Variants in PPP3CC observed in about 807,000 individuals in gnomAD.
PPP3CC encodes the protein serine/threonine-protein phosphatase 2B catalytic subunit gamma isoform.
Under a neutral mutation model 60.3 loss-of-function variants are expected in PPP3CC, and 35 were observed. The ratio of observed to expected loss-of-function variants is 0.58; its 90% CI spans 0.44 to 0.77. PPP3CC has a LOEUF of 0.77. PPP3CC is among the 30% of genes least tolerant of loss of function. PPP3CC has a pLI of 0.00. For missense variants in PPP3CC, 570 were observed against 628.9 expected (o/e 0.91, Z 1.00); for synonymous variants, 206 against 224.3 (o/e 0.92, Z 0.73).
intron 5 of PPP3CC, among the ~76,000 whole-genome samples, chr8:22,512,984 G>C (rs1839133611): frequency 6.6e-6 from 1 of 151,872 alleles, no homozygotes; most frequent in Non-Finnish European, 1.5e-5. Context: ...GGTGAGGCAG[G>C]AGAATCGCTT....
intron 1 of PPP3CC, among the ~76,000 whole-genome samples, chr8:22,447,073 T>C (rs1302043753): frequency 2.0e-5 from 3 of 151,840 alleles, no homozygotes; most frequent in African/African-American, 7.3e-5. Flanking sequence ...AGTGGCGCGA[T>C]CATGGCTCGC....
chr8:22,449,716 GA>G (rs1488641206), intron 1 of PPP3CC, among the ~76,000 whole-genome samples: 1 of 152,044 alleles, frequency 6.6e-6, no homozygotes, highest in Non-Finnish European at 1.5e-5. Context: ...CTAAGAAGTA[GA>G]GAGAAGATGG....
intron 3 of PPP3CC, among the ~76,000 whole-genome samples, chr8:22,481,542 GTTC>G (rs1251507725): frequency 6.7e-6 from 1 of 148,188 alleles, no homozygotes; most frequent in Admixed American, 6.7e-5. Context: ...GAAGTTTTGT[GTTC>G]TTTTTTTTTT....
Position 22,540,648 on chromosome 8 carries a change from G to A in PPP3CC, c.1385G>A (p.Arg462Gln), listed in dbSNP as rs773602093. 5.0e-6 allele frequency: 8 copies of A among 1,613,672 alleles called. No individual in the cohort carries two copies. The highest frequency in any genetic ancestry group is 2.2e-5 in the East Asian group (1 of 44,898). ...GGGTTCTCGCTTCAGCACAAGATCC[G>A]GAGTTTTGAAGAAGCGCGAGGTCTG... ...IRGFSLQHKIRSFEEARGLDR... is the reference protein window; with the variant it reads ...IRGFSLQHKIQSFEEARGLDR... The change falls in exon 14 of 14, where the codon CGG (arginine) becomes CAG (glutamine). Residue 462 changes from arginine to glutamine, a missense_variant. Physicochemically the swap from Arg to Gln is conservative, Grantham distance 43. Coordinates refer to ENST00000240139, the MANE Select transcript of PPP3CC (RefSeq NM_005605.5).
rs894237681 is a variant in PPP3CC at position 22,503,524 on chromosome 8, A to AT, written c.484+5420dup. On this transcript the variant is annotated intron_variant, in intron 4 of 13. Transcript: ENST00000240139. ...CTTAATTATTCTTTTGTCTTATCAGATTTTTTTTATTTTTAATTTTTATGG... is the reference window on the plus strand; with the variant it reads ...CTTAATTATTCTTTTGTCTTATCAGATTTTTTTTTATTTTTAATTTTTATGG... Among the ~76,000 whole-genome samples, 7 of 151,930 alleles carry AT rather than the reference A, an allele frequency of 4.6e-5. No individual in the cohort carries two copies. In the South Asian group the frequency reaches 8.3e-4, roughly 18 times the overall value.
intron 1 of PPP3CC, among the ~76,000 whole-genome samples, chr8:22,448,954 G>C (rs556014043): frequency 6.6e-6 from 1 of 152,094 alleles, no homozygotes; most frequent in Non-Finnish European, 1.5e-5. Flanking sequence ...AAAATGTAAA[G>C]TTGGGGACAG....
At chr8:22,537,076 A>G (rs184129345) in intron 12 of PPP3CC, among the ~76,000 whole-genome samples, 1 of 152,366 alleles carries the variant, frequency 6.6e-6, no homozygotes, top group African/African-American at 2.4e-5. Flanking sequence ...TCAGTTATAA[A>G]TTGGACTACA....
chr8:22,534,634 A>G (rs1839804894), intron 12 of PPP3CC, among the ~76,000 whole-genome samples: 1 of 152,240 alleles, frequency 6.6e-6, no homozygotes, highest in African/African-American at 2.4e-5. Context: ...AAGGTTATGC[A>G]TGGGAATGTT....
At chr8:22,502,400 A>T (rs990023380) in intron 4 of PPP3CC, among the ~76,000 whole-genome samples, 1 of 152,178 alleles carries the variant, frequency 6.6e-6, no homozygotes, top group Non-Finnish European at 1.5e-5. Context: ...TGAAAGACCA[A>T]GGTGGCCGGG....
At chr8:22,536,093 G>C (rs1041902163) in intron 12 of PPP3CC, among the ~76,000 whole-genome samples, 29 of 152,164 alleles carry the variant, frequency 1.9e-4, no homozygotes, top group Non-Finnish European at 3.7e-4. Context: ...TGAGATATTA[G>C]AGTTCAGCTA....
chr8:22,499,356 G>A (rs1586836966), intron 4 of PPP3CC, among the ~76,000 whole-genome samples: 1 of 150,774 alleles, frequency 6.6e-6, no homozygotes, highest in African/African-American at 2.4e-5. Flanking sequence ...GGAGAATGGC[G>A]TGAACCCGGG....
At chr8:22,472,363 A>AACACACACACACAC (rs71546810) in intron 1 of PPP3CC, among the ~76,000 whole-genome samples, 5,494 of 125,626 alleles carry the variant, frequency 0.044, 196 homozygotes, top group East Asian at 0.056. Flanking sequence ...GGTAAAAATG[A>AACACACACACACAC]ACACACACAC....
chr8:22,520,312 AT>A (rs1274360594), intron 6 of PPP3CC, among the ~76,000 whole-genome samples: 2 of 152,186 alleles, frequency 1.3e-5, no homozygotes, highest in East Asian at 1.9e-4. Flanking sequence ...TGTTTAACTT[AT>A]TTGGAGACCT....
At chr8:22,477,642 T>A (rs1045887802) in intron 3 of PPP3CC, among the ~76,000 whole-genome samples, 5 of 152,044 alleles carry the variant, frequency 3.3e-5, no homozygotes, top group African/African-American at 1.2e-4. Context: ...ATTTTATTTT[T>A]TTAGAGATGG....
intron 3 of PPP3CC, chr8:22,492,996 G>A: frequency 7.8e-7 from 1 of 1,278,444 alleles, no homozygotes; most frequent in Non-Finnish European, 1.1e-6. Context: ...GTCTGTGAAT[G>A]GAAAAGCACC....
At chr8:22,446,827 AAAAAAG>A (rs1302928247) in intron 1 of PPP3CC, among the ~76,000 whole-genome samples, 4 of 151,178 alleles carry the variant, frequency 2.6e-5, no homozygotes, top group African/African-American at 9.7e-5. Flanking sequence ...AAAAAAAAAA[AAAAAAG>A]CTGATTTTTA....
At chr8:22,537,197 C>T (rs1839862636) in intron 12 of PPP3CC, among the ~76,000 whole-genome samples, 1 of 152,166 alleles carries the variant, frequency 6.6e-6, no homozygotes, top group Non-Finnish European at 1.5e-5. Flanking sequence ...AGATTGGTAT[C>T]TAGAAAATAT....
Position 22,532,976 on chromosome 8 carries a change from C to T in PPP3CC, c.1279C>T (p.Pro427Ser). ...GGGCCTGACTCCCACAGGCACACTC[C>T]CTCTGGGCGTCCTCTCAGGAGGCAA... ...LKGLTPTGTL[P>S]LGVLSGGKQT... is the part of the protein sequence containing the mutation. Residue 427 changes from proline to serine, a missense_variant, in exon 12 of 14, where the codon CCT becomes TCT. Physicochemically the swap from Pro to Ser is moderately conservative, Grantham distance 74. Coordinates refer to ENST00000240139, the MANE Select transcript of PPP3CC (RefSeq NM_005605.5). 1 of 1,605,752 alleles carries T rather than the reference C, an allele frequency of 6.2e-7. No individual in the cohort carries two copies.
rs113224821 is a variant in PPP3CC at position 22,480,726 on chromosome 8, G to A, written c.372+5102G>A. On this transcript the variant is annotated intron_variant, in intron 3 of 13. Coordinates refer to ENST00000240139, the MANE Select transcript of PPP3CC (RefSeq NM_005605.5). ...ACTCCTGATCTCAGGTGATCCACCT[G>A]CCTCAGCCTCCCAAAGTGCCAGGAT... 7.0e-3 allele frequency among the ~76,000 whole-genome samples: 1,071 copies of A among 152,172 alleles called. 8 individuals are homozygous for A. Among genetic ancestry groups the A allele is most frequent in the African/African-American group, 0.025 (1,026 of 41,532 alleles).
Sources: gnomAD v4.1 joint callset for allele counts (sites outside exome capture counted in the v4.1 genomes callset) on GRCh38, gnomAD v4.1.1 for gene constraint, MANE v1.5 for transcripts, NCBI Gene and HGNC (gene_info 2026-07-23, HGNC 2026-07-21) for gene names.